SSBP4: variants seen among roughly 807,000 people sequenced by gnomAD.
SSBP4 encodes single stranded DNA binding protein 4.
In SSBP4, 33 loss-of-function variants were observed where a neutral mutation model predicts 64.6. That is an observed-to-expected ratio of 0.51 (90% CI 0.39 to 0.68). The LOEUF (loss-of-function observed/expected upper bound fraction) is 0.68. Among genes scored for constraint, SSBP4 ranks in the 30% least tolerant of loss-of-function variants. The pLI, the probability that SSBP4 is intolerant of heterozygous loss-of-function variation, is 0.00. For synonymous variants in SSBP4, 243 were observed against 224.0 expected, an observed-to-expected ratio of 1.08 and a Z score of -0.76; for missense variants, 583 against 566.8, an observed-to-expected ratio of 1.03 and a Z score of -0.29.
chr19:18,424,247 C>T (rs1376841275), intron 1 of SSBP4, among the ~76,000 whole-genome samples: 1 of 152,236 alleles, frequency 6.6e-6, no homozygotes, highest in Admixed American at 6.5e-5. Context: ...CCATGGTTCG[C>T]CTAATCCTCC....
chr19:18,415,009 C>T (rs997496272), upstream of SSBP4, among the ~76,000 whole-genome samples: 3 of 152,156 alleles, frequency 2.0e-5, no homozygotes. Flanking sequence ...CTGAACACCC[C>T]TCTGCCCATG....
chr19:18,432,836 C>T lies in SSBP4; in HGVS notation c.794C>T (p.Pro265Leu). The T allele has an allele frequency of 6.2e-7, 1 of 1,613,966 alleles. No homozygotes were observed. The highest frequency in any genetic ancestry group is 8.5e-7 in the Non-Finnish European group (1 of 1,179,946). Residue 265 changes from proline to leucine, a missense_variant, in exon 13 of 18, where the codon CCA (proline) becomes CTA (leucine). Around this residue, in one of 5 missense-constraint regions of SSBP4, gnomAD observed 444 missense variants for 386.6 expected, o/e 1.15. Coordinates refer to ENST00000270061, the MANE Select transcript of SSBP4 (RefSeq NM_032627.5). ...SSSPGSYTGP[P>L]GGGGPPGTPI... ...CCTGTCTCTTGTGTGCAGGGACCCC[C>T]AGGAGGAGGTGGGCCCCCTGGAACA...
At chr19:18,418,550 G>A (rs1027954461), upstream of SSBP4, among the ~76,000 whole-genome samples, 3 of 152,250 alleles carry the variant, frequency 2.0e-5, no homozygotes, top group Non-Finnish European at 4.4e-5. The surrounding 1 kb of genome is among the most constrained non-coding windows in gnomAD (Gnocchi z 6.7). Context: ...AGCCCAAACA[G>A]CAGTCACCCA....
In SSBP4 at chr19:18,431,828, C is replaced by A. The variant is rs1189155644; in HGVS notation, c.531C>A (p.Leu177=). 1.9e-6 allele frequency: 3 copies of A among 1,569,664 alleles called. No individual in the cohort carries two copies. In the South Asian group the frequency reaches 3.5e-5, roughly 18 times the overall value. ...PAGLPGSQPL[L]PGAMEPSPRA... is the part of the protein sequence containing the mutation. ...GCCTCCCTGGCTCCCAGCCCCTCCTCCCTGGCGCCATGGAGCCCTCCCCAC... is the reference window on the plus strand; with the variant it reads ...GCCTCCCTGGCTCCCAGCCCCTCCTACCTGGCGCCATGGAGCCCTCCCCAC... Residue 177 remains leucine, a synonymous_variant, in exon 8 of 18, where the codon CTC becomes CTA. Transcript: ENST00000270061.
intron 5 of SSBP4, 33 bp from the exon 6 acceptor site, chr19:18,431,320 C>A (rs1973357735): frequency 6.2e-6 from 4 of 647,884 alleles, no homozygotes; most frequent in African/African-American, 1.9e-5. Context: ...TAGGGCCTCA[C>A]TCCCCCCCAC....
In SSBP4 at chr19:18,426,662, G is replaced by A. The variant is rs568750015; in HGVS notation, c.60-689G>A. ...CCTTGGGGTGCACAGTGGTTGGGAG[G>A]GTGAGTCCAGGGGTCCCTGGCAGGC... is the stretch of plus-strand genomic sequence containing the variant. On this transcript the variant is annotated intron_variant, in intron 1 of 17. Coordinates refer to ENST00000270061, the MANE Select transcript of SSBP4 (RefSeq NM_032627.5). The surrounding 1 kb of genome is among the most constrained non-coding windows in gnomAD (Gnocchi z 4.5). 1.2e-4 allele frequency among the ~76,000 whole-genome samples: 18 copies of A among 152,114 alleles called. No individual in the cohort carries two copies. Among genetic ancestry groups the A allele is most frequent in the Non-Finnish European group, 2.9e-5 (2 of 67,998 alleles).
At chr19:18,422,037 T>C (rs965138659) in intron 1 of SSBP4, among the ~76,000 whole-genome samples, 5 of 152,156 alleles carry the variant, frequency 3.3e-5, no homozygotes, top group Non-Finnish European at 7.4e-5. Context: ...GGCGGGTGCC[T>C]GTAATCCCAG....
At chr19:18,432,649 G>T in intron 11 of SSBP4, 45 bp downstream of exon 11, 1 of 489,216 alleles carries the variant, frequency 2.0e-6, no homozygotes, top group South Asian at 1.6e-5. Flanking sequence ...GGGTGGGAGG[G>T]ACACTGGGTG....
the SSBP4 span, among the ~76,000 whole-genome samples, chr19:18,413,515 T>C: frequency 6.6e-6 from 1 of 150,674 alleles, no homozygotes; most frequent in African/African-American, 2.4e-5. Flanking sequence ...CACCCAGCCC[T>C]GTGGGGTGTT....
At position 18,423,885 on chromosome 19, in the gene SSBP4, G is replaced by T. The variant is rs934508394; in HGVS notation, c.60-3466G>T. On this transcript the variant is annotated intron_variant, in intron 1 of 17. Transcript: ENST00000270061. The surrounding 1 kb of genome is among the most constrained non-coding windows in gnomAD (Gnocchi z 4.0). ...ACCGGCCCAGGGCAGGTGGCCGGTG[G>T]GGGGCAGAGGGCATGGGTGATTTGC... is the stretch of plus-strand genomic sequence containing the variant. 1.2e-4 allele frequency among the ~76,000 whole-genome samples: 18 copies of T among 152,258 alleles called. No individual in the cohort carries two copies. The highest frequency in any genetic ancestry group is 4.1e-4 in the African/African-American group (17 of 41,546).
upstream of SSBP4, among the ~76,000 whole-genome samples, chr19:18,418,180 C>T (rs780671859): frequency 2.0e-5 from 3 of 152,178 alleles, no homozygotes; most frequent in Non-Finnish European, 4.4e-5. The surrounding 1 kb of genome is among the most constrained non-coding windows in gnomAD (Gnocchi z 6.7). Context: ...TGGGTGTTTG[C>T]CCGCCCCCCA....
intron 1 of SSBP4, among the ~76,000 whole-genome samples, chr19:18,424,059 A>G (rs1972661623): frequency 6.6e-6 from 1 of 152,164 alleles, no homozygotes; most frequent in African/African-American, 2.4e-5. Context: ...TTTTCACCCA[A>G]AACAATAACA....
At chr19:18,411,679 T>C in the SSBP4 span, among the ~76,000 whole-genome samples, 1 of 151,820 alleles carries the variant, frequency 6.6e-6, no homozygotes, top group African/African-American at 2.4e-5. Context: ...GGCCCTGGGG[T>C]GGGATGACCT....
the SSBP4 span, among the ~76,000 whole-genome samples, chr19:18,409,336 G>A: frequency 6.6e-6 from 1 of 151,918 alleles, no homozygotes; most frequent in African/African-American, 2.4e-5. Context: ...GCAGGTGTGC[G>A]CCACGTCAAT....
In SSBP4 at chr19:18,432,766, G is replaced by A. The variant is rs2144804162; in HGVS notation, c.786+31G>A. 2.5e-6 allele frequency: 4 copies of A among 1,612,324 alleles called. No homozygotes were observed. The Middle Eastern group carries it at 6.6e-4, about 266-fold the overall frequency. On this transcript the variant is annotated intron_variant, in intron 12 of 17. Coordinates refer to ENST00000270061, the MANE Select transcript of SSBP4 (RefSeq NM_032627.5). ...TCTGAGCAAAGCTGGGTCACCCCTG[G>A]GCAGGGGTTGTGGGATGGCAGATGA...
upstream of SSBP4, among the ~76,000 whole-genome samples, chr19:18,415,301 C>G (rs368122343): frequency 6.6e-6 from 1 of 152,324 alleles, no homozygotes; most frequent in East Asian, 1.9e-4. Flanking sequence ...TCCCAGGGCC[C>G]CCCACTTTAA....
upstream of SSBP4, chr19:18,419,351 TA>T (rs995943193): frequency 9.8e-7 from 1 of 1,016,838 alleles, no homozygotes; most frequent in African/African-American, 1.7e-5. Context: ...GCGGGCGGCG[TA>T]GAGGCAGCGG....
At position 18,432,069 on chromosome 19, in the gene SSBP4, A is replaced by C; in HGVS notation, c.635A>C (p.Gln212Pro). 6.3e-7 allele frequency: 1 copy of C among 1,592,900 alleles called. No homozygotes were observed. Among genetic ancestry groups the C allele is most frequent in the South Asian group, 1.1e-5 (1 of 89,444 alleles). ...CGTGGCATGGCCAGCGTGGGGCCCC[A>C]GGTAAGAGTGGAGCCCTGGTGGGTG... is the stretch of plus-strand genomic sequence containing the variant. ...PPRGMASVGP[Q>P]SYGGGMRPPP... is the part of the protein sequence containing the mutation. The change falls in exon 9 of 18, where the codon CAG becomes CCG. Residue 212 changes from glutamine (Q) to proline (P), a missense_variant and splice_region_variant. By Grantham distance (76) the Gln-to-Pro change is moderately conservative. This residue lies in a region of SSBP4 where 444 missense variants were observed against 386.6 expected (regional missense o/e 1.15). Transcript: ENST00000270061.
rs1219368396 is a variant in SSBP4, at chr19:18,433,745, C to T, written c.1056C>T (p.Ala352=). 19 of 1,435,792 alleles carry T rather than the reference C, an allele frequency of 1.3e-5. No individual in the cohort carries two copies. The highest frequency in any genetic ancestry group is 1.5e-5 in the Non-Finnish European group (17 of 1,103,388). 88.9% of individuals were successfully genotyped at this position (1,435,792 alleles called of 1,614,324 possible). A position where few individuals can be genotyped will look rare whatever the true frequency, so the allele number is the denominator to read the frequency against. ...GCGCCGTGGCCGGCCTGAGCAACGC[C>T]CCGGGCACCCCGCGGGACGACGGCG... ...SPGAVAGLSN[A]PGTPRDDGEM... is the part of the protein sequence containing the mutation. The change falls in exon 17 of 18, where the codon GCC becomes GCT. Residue 352 remains alanine (A), a synonymous_variant. Transcript: ENST00000270061.
Sources: allele counts gnomAD v4.1 joint callset (sites outside exome capture counted in the v4.1 genomes callset), GRCh38; gene constraint gnomAD v4.1.1; regional missense constraint gnomAD v4.1.1; non-coding constraint Gnocchi (gnomAD v3.1); transcripts MANE v1.5; gene names NCBI Gene and HGNC (gene_info 2026-07-23, HGNC 2026-07-21).